KLHL18: variants seen among roughly 807,000 people sequenced by gnomAD.
The protein encoded by KLHL18 is kelch-like protein 18.
In KLHL18, 38 loss-of-function variants were observed where a neutral mutation model predicts 58.5. The observed-to-expected ratio is 0.65, with a 90% CI of 0.50 to 0.85. The LOEUF is 0.85. Ranked by LOEUF, KLHL18 falls within the 40% of genes least tolerant of loss-of-function variation. The probability of loss-of-function intolerance (pLI) is 0.00; values close to 1 mark genes in which losing one functional copy is unlikely to be tolerated. For synonymous variants in KLHL18, 303 were observed against 301.9 expected (o/e 1.00, Z -0.04); for missense variants, 624 against 778.4 (o/e 0.80, Z 2.36).
At chr3:47,289,522 G>T (rs1702746287) in intron 1 of KLHL18, among the ~76,000 whole-genome samples, 2 of 152,222 alleles carry the variant, frequency 1.3e-5, no homozygotes, top group Non-Finnish European at 2.9e-5. Flanking sequence ...AGAAGGATAT[G>T]AGGAAATGAA....
chr3:47,303,134 C>T (rs1703063267), intron 1 of KLHL18, among the ~76,000 whole-genome samples: 1 of 152,216 alleles, frequency 6.6e-6, no homozygotes, highest in South Asian at 2.1e-4. Flanking sequence ...ACAGCTTTCT[C>T]CAGCAGGAAC....
intron 4 of KLHL18, among the ~76,000 whole-genome samples, chr3:47,332,340 G>A (rs1054281848): frequency 6.6e-6 from 1 of 151,908 alleles, no homozygotes; most frequent in South Asian, 2.1e-4. Context: ...GGGCGATGGG[G>A]CAAGACCCTA....
chr3:47,319,705 C>G lies in KLHL18; in HGVS notation c.182C>G (p.Pro61Arg). The G allele has an allele frequency of 6.2e-7, 1 of 1,613,956 alleles. No individual in the cohort carries two copies. The highest frequency in any genetic ancestry group is 8.5e-7 in the Non-Finnish European group (1 of 1,179,884). ...CGGATTGTCTTAGCAGCCTCGATCCCGTATTTCCATGCTATGTTTACAAAT... is the reference window on the plus strand; with the variant it reads ...CGGATTGTCTTAGCAGCCTCGATCCGGTATTTCCATGCTATGTTTACAAAT... ...AHRIVLAASI[P>R]YFHAMFTNDM... The change falls in exon 2 of 10, where the codon CCG becomes CGG. Residue 61 changes from proline to arginine, a missense_variant. By Grantham distance (103) the Pro-to-Arg change is moderately radical. Coordinates refer to ENST00000232766, the MANE Select transcript of KLHL18 (RefSeq NM_025010.5).
intron 1 of KLHL18, among the ~76,000 whole-genome samples, chr3:47,308,374 G>C (rs1703197956): frequency 6.6e-6 from 1 of 152,098 alleles, no homozygotes; most frequent in South Asian, 2.1e-4. Flanking sequence ...AACCCAATAT[G>C]TCGTCAATAT....
intron 1 of KLHL18, among the ~76,000 whole-genome samples, chr3:47,289,695 A>G (rs553857025): frequency 6.6e-6 from 1 of 152,254 alleles, no homozygotes; most frequent in African/African-American, 2.4e-5. Context: ...AGGTGGGAGG[A>G]TTGCTTGAGC....
chr3:47,308,833 G>C (rs1703213669), intron 1 of KLHL18, among the ~76,000 whole-genome samples: 1 of 151,578 alleles, frequency 6.6e-6, no homozygotes, highest in Admixed American at 6.6e-5. Context: ...GATTTGGCAG[G>C]GTCACAGGAC....
chr3:47,316,664 T>G (rs1703448082), intron 1 of KLHL18, among the ~76,000 whole-genome samples: 1 of 141,034 alleles, frequency 7.1e-6, no homozygotes, highest in African/African-American at 2.6e-5. Context: ...TATATACATA[T>G]ATACGTATAT....
intron 1 of KLHL18, among the ~76,000 whole-genome samples, chr3:47,316,212 A>T (rs1260140469): frequency 6.6e-6 from 1 of 152,110 alleles, no homozygotes; most frequent in African/African-American, 2.4e-5. Flanking sequence ...ACCAATACCA[A>T]GATACAATAC....
chr3:47,316,981 TC>T (rs1404682291), intron 1 of KLHL18, among the ~76,000 whole-genome samples: 1 of 151,890 alleles, frequency 6.6e-6, no homozygotes, highest in Non-Finnish European at 1.5e-5. Context: ...AGCAATACTT[TC>T]AAAATTTTGA....
chr3:47,292,814 G>A (rs1055037363), intron 1 of KLHL18, among the ~76,000 whole-genome samples: 4 of 151,120 alleles, frequency 2.6e-5, no homozygotes, highest in African/African-American at 7.3e-5. Flanking sequence ...GCTGAGGTGC[G>A]AGAATCACCT....
intron 9 of KLHL18, among the ~76,000 whole-genome samples, chr3:47,343,201 C>A (rs778986568): frequency 1.3e-5 from 2 of 152,214 alleles, no homozygotes; most frequent in African/African-American, 4.8e-5. Context: ...AAAAAAGGCT[C>A]AACAGCCATT....
intron 3 of KLHL18, among the ~76,000 whole-genome samples, chr3:47,329,470 G>A (rs1314762911): frequency 6.6e-6 from 1 of 152,060 alleles, no homozygotes; most frequent in Non-Finnish European, 1.5e-5. Flanking sequence ...CTCGTGATCT[G>A]CCTGCCTCAG....
intron 1 of KLHL18, 174 bp downstream of exon 1, chr3:47,283,268 G>A: frequency 1.5e-6 from 1 of 651,642 alleles, no homozygotes; most frequent in Non-Finnish European, 2.6e-6. Flanking sequence ...GGGGCCGAGT[G>A]GGGAGAGGAA....
intron 1 of KLHL18, among the ~76,000 whole-genome samples, chr3:47,290,925 G>C (rs1390943856): frequency 6.6e-6 from 1 of 152,250 alleles, no homozygotes; most frequent in African/African-American, 2.4e-5. Flanking sequence ...CCAATTAGGT[G>C]AATTAGAGAG....
At chr3:47,301,155 G>C (rs1221700934) in intron 1 of KLHL18, among the ~76,000 whole-genome samples, 1 of 151,894 alleles carries the variant, frequency 6.6e-6, no homozygotes, top group Non-Finnish European at 1.5e-5. Flanking sequence ...TATGTAGTTT[G>C]CAGATATATT....
intron 3 of KLHL18, among the ~76,000 whole-genome samples, chr3:47,324,812 A>G (rs961100843): frequency 1.3e-5 from 2 of 152,202 alleles, no homozygotes; most frequent in East Asian, 1.9e-4. Flanking sequence ...AGCTTGGGCA[A>G]CTGAGCAAGA....
intron 8 of KLHL18, among the ~76,000 whole-genome samples, chr3:47,341,914 AAAAGG>A (rs1316099409): frequency 1.3e-5 from 2 of 151,394 alleles, no homozygotes; most frequent in South Asian, 2.2e-4. Flanking sequence ...AAAAAAAAAA[AAAAGG>A]AGAGAGAGAA....
chr3:47,318,694 C>T (rs1703512465), intron 1 of KLHL18, among the ~76,000 whole-genome samples: 1 of 152,280 alleles, frequency 6.6e-6, no homozygotes, highest in Non-Finnish European at 1.5e-5. Context: ...GTAGGAATCG[C>T]GGGCAAGGAA....
intron 1 of KLHL18, among the ~76,000 whole-genome samples, chr3:47,303,249 T>C (rs1703065230): frequency 6.6e-6 from 1 of 152,140 alleles, no homozygotes; most frequent in South Asian, 2.1e-4. Context: ...TCTACTAGGG[T>C]TCTCTTCCAT....
Sources: allele counts gnomAD v4.1 joint callset (sites outside exome capture counted in the v4.1 genomes callset), GRCh38; gene constraint gnomAD v4.1.1; transcripts MANE v1.5; gene names NCBI Gene and HGNC (gene_info 2026-07-23, HGNC 2026-07-21).